Variants in SLC25A21 observed in about 807,000 individuals in gnomAD.
SLC25A21 encodes solute carrier family 25 member 21.
SLC25A21 carries 47 observed loss-of-function variants against 43.8 expected under a neutral mutation model. The ratio of observed to expected loss-of-function variants is 1.07; its 90% CI spans 0.85 to 1.37. The LOEUF is 1.37. Among genes scored for constraint, SLC25A21 ranks in the 40% most tolerant of loss-of-function variants. The probability of loss-of-function intolerance (pLI) is 0.00; values close to 1 mark genes in which losing one functional copy is unlikely to be tolerated. For synonymous variants in SLC25A21, 131 were observed against 121.3 expected (o/e 1.08, Z -0.52); for missense variants, 352 against 350.2 (o/e 1.00, Z -0.04).
chr14:36,834,038 T>C (rs896891799), intron 2 of SLC25A21, among the ~76,000 whole-genome samples: 2 of 152,246 alleles, frequency 1.3e-5, no homozygotes, highest in Non-Finnish European at 2.9e-5. Flanking sequence ...TTTGGACCTT[T>C]TGGTCATTTG....
At chr14:36,739,741 G>A (rs1188596267) in intron 3 of SLC25A21, among the ~76,000 whole-genome samples, 1 of 151,718 alleles carries the variant, frequency 6.6e-6, no homozygotes, top group African/African-American at 2.4e-5. Flanking sequence ...GAGAATGTTG[G>A]TTACTGACCC....
At chr14:37,071,998 G>C (rs1594779716) in intron 1 of SLC25A21, among the ~76,000 whole-genome samples, 2 of 151,562 alleles carry the variant, frequency 1.3e-5, no homozygotes, top group African/African-American at 4.9e-5. Context: ...CCTGGCCAAC[G>C]TGGTGAAACC....
chr14:36,977,382 G>GTGCT (rs566438228), intron 1 of SLC25A21, among the ~76,000 whole-genome samples: 1 of 152,120 alleles, frequency 6.6e-6, no homozygotes, highest in Non-Finnish European at 1.5e-5. Context: ...GTAAATGCTT[G>GTGCT]TGCTTGAATA....
intron 1 of SLC25A21, among the ~76,000 whole-genome samples, chr14:37,023,669 A>G (rs1961033690): frequency 6.6e-6 from 1 of 151,914 alleles, no homozygotes. Flanking sequence ...AATAATAAAT[A>G]CTGAACTCCC....
chr14:36,776,318 G>A (rs1415986933), intron 3 of SLC25A21, among the ~76,000 whole-genome samples: 3 of 135,772 alleles, frequency 2.2e-5, no homozygotes, highest in Non-Finnish European at 3.0e-5. Flanking sequence ...CTCACTGCAA[G>A]CTCCGCCTCC....
At chr14:36,903,614 G>GGA (rs1891454503) in intron 1 of SLC25A21, among the ~76,000 whole-genome samples, 3 of 50,434 alleles carry the variant, frequency 5.9e-5, no homozygotes, top group African/African-American at 1.8e-4. Context: ...CTCCGTCTCA[G>GGA]AAAAAAAAAA....
intron 1 of SLC25A21, among the ~76,000 whole-genome samples, chr14:37,033,652 A>T (rs1247636448): frequency 6.6e-6 from 1 of 152,150 alleles, no homozygotes; most frequent in African/African-American, 2.4e-5. Flanking sequence ...TCCTTATTTT[A>T]GTACTCCTTT....
chr14:36,921,314 T>C (rs910530600), intron 1 of SLC25A21, among the ~76,000 whole-genome samples: 1 of 152,108 alleles, frequency 6.6e-6, no homozygotes, highest in Non-Finnish European at 1.5e-5. Flanking sequence ...CATAGTTCAT[T>C]TGTTCATACA....
intron 1 of SLC25A21, among the ~76,000 whole-genome samples, chr14:36,913,401 G>A (rs894800656): frequency 3.9e-5 from 6 of 152,142 alleles, no homozygotes; most frequent in Non-Finnish European, 5.9e-5. Context: ...CCATCCTCCC[G>A]AGTAGTTGGG....
At chr14:36,986,699 C>G (rs1182839580) in intron 1 of SLC25A21, among the ~76,000 whole-genome samples, 1 of 152,052 alleles carries the variant, frequency 6.6e-6, no homozygotes, top group African/African-American at 2.4e-5. Context: ...GATCTCAGTT[C>G]TCTGGAGTTT....
chr14:36,685,051 G>A (rs1011625059), intron 7 of SLC25A21, 126 bp from the exon 8 acceptor site: 97 of 647,652 alleles, frequency 1.5e-4, no homozygotes, highest in Non-Finnish European at 2.2e-4. Flanking sequence ...TATTCCAGCG[G>A]AACACATTAG....
intron 3 of SLC25A21, among the ~76,000 whole-genome samples, chr14:36,789,896 T>A (rs1370117040): frequency 8.3e-6 from 1 of 119,882 alleles, no homozygotes; most frequent in South Asian, 2.4e-4. Context: ...AAAATATATA[T>A]TATATATATT....
chr14:36,684,719 T>C (rs1414148354), intron 8 of SLC25A21, 25 bp downstream of exon 8: 2 of 1,580,628 alleles, frequency 1.3e-6, no homozygotes, highest in South Asian at 1.2e-5. Context: ...CATACATTTA[T>C]TAAAATAAGA....
intron 1 of SLC25A21, among the ~76,000 whole-genome samples, chr14:37,165,753 C>G (rs1594828573): frequency 6.6e-6 from 1 of 152,194 alleles, no homozygotes; most frequent in East Asian, 1.9e-4. Flanking sequence ...CTGTGAGAGT[C>G]TGGGGAGAAT....
chr14:36,805,298 C>A (rs1887998324), intron 3 of SLC25A21, among the ~76,000 whole-genome samples: 1 of 152,132 alleles, frequency 6.6e-6, no homozygotes, highest in African/African-American at 2.4e-5. Context: ...GAGAGAGAGG[C>A]TGGGGGAGTC....
intron 3 of SLC25A21, 86 bp from the exon 4 acceptor site, chr14:36,734,659 C>T (rs1884961497): frequency 1.0e-6 from 1 of 999,432 alleles, no homozygotes; most frequent in African/African-American, 1.6e-5. Flanking sequence ...CTAAAGTATT[C>T]CCGATTATTC....
intron 1 of SLC25A21, among the ~76,000 whole-genome samples, chr14:36,981,034 AC>A (rs1960008441): frequency 6.6e-6 from 1 of 152,030 alleles, no homozygotes; most frequent in Non-Finnish European, 1.5e-5. Context: ...AAGTATATGA[AC>A]AGACACTTCT....
intron 1 of SLC25A21, among the ~76,000 whole-genome samples, chr14:36,895,408 G>C (rs949767029): frequency 6.6e-6 from 1 of 152,022 alleles, no homozygotes; most frequent in Non-Finnish European, 1.5e-5. Context: ...ATTTATTATT[G>C]CATCTATTTG....
intron 1 of SLC25A21, among the ~76,000 whole-genome samples, chr14:36,989,193 T>A (rs1253217774): frequency 2.6e-5 from 4 of 152,154 alleles, no homozygotes. Context: ...CTGGCTGCAA[T>A]GCAGTCTTTG....
Sources: allele counts gnomAD v4.1 joint callset (sites outside exome capture counted in the v4.1 genomes callset), GRCh38; gene constraint gnomAD v4.1.1; transcripts MANE v1.5; gene names NCBI Gene and HGNC (gene_info 2026-07-23, HGNC 2026-07-21).